The following TBXAS1 variants were observed in gnomAD, a reference collection of about 807,000 sequenced individuals.
TBXAS1 encodes the protein thromboxane A synthase 1.
Under a neutral mutation model 60.7 loss-of-function variants are expected in TBXAS1, and 48 were observed. The ratio of observed to expected loss-of-function variants is 0.79; its 90% CI spans 0.63 to 1.01. The LOEUF is 1.01. Among genes scored for constraint, TBXAS1 ranks in the 50% least tolerant of loss-of-function variants. The pLI is 0.00. For missense variants in TBXAS1, 685 were observed against 686.3 expected (o/e 1.00, Z 0.02); for synonymous variants, 287 against 269.7 (o/e 1.06, Z -0.63).
intron 5 of TBXAS1, among the ~76,000 whole-genome samples, chr7:139,938,767 G>C (rs1249358372): frequency 1.3e-5 from 2 of 152,160 alleles, no homozygotes; most frequent in Non-Finnish European, 2.9e-5. Flanking sequence ...AGAACCTCAT[G>C]TGTGAAAAAG....
intron 10 of TBXAS1, among the ~76,000 whole-genome samples, chr7:140,008,471 G>A (rs1179984001): frequency 7.9e-6 from 1 of 126,130 alleles, no homozygotes; most frequent in East Asian, 2.7e-4. Context: ...TTTTTGAGAT[G>A]GAGTCTTGCT....
At chr7:139,846,844 G>A (rs8192808) in intron 1 of TBXAS1, among the ~76,000 whole-genome samples, 6,986 of 152,252 alleles carry the variant, frequency 0.046, 547 homozygotes, top group East Asian at 0.21. Context: ...CAATGGTGTG[G>A]TGGGGACAGA....
chr7:139,881,277 T>G (rs1802668508), intron 3 of TBXAS1, among the ~76,000 whole-genome samples: 1 of 152,234 alleles, frequency 6.6e-6, no homozygotes, highest in Admixed American at 6.5e-5. Flanking sequence ...TGTTGTTGAC[T>G]TTAATTGATT....
rs1437553280 is a variant in TBXAS1 at position 139,961,924 on chromosome 7, G to A, written c.825G>A (p.Arg275=). 2 of 1,614,102 alleles carry A rather than the reference G, an allele frequency of 1.2e-6. No homozygotes were observed. The highest frequency in any genetic ancestry group is 1.7e-6 in the Non-Finnish European group (2 of 1,180,044). ...TTTCTCCTTTTGTTCCTTAGAGGCG[G>A]AGAGACTTCCTCCAAATGGTCCTGG... is the stretch of plus-strand genomic sequence containing the variant. ...LRDQQAAEER[R]RDFLQMVLDA... Residue 275 remains arginine (R), a synonymous_variant, in exon 9 of 13, where the codon CGG becomes CGA. Coordinates refer to ENST00000448866, the MANE Select transcript of TBXAS1 (RefSeq NM_001061.7).
intron 3 of TBXAS1, among the ~76,000 whole-genome samples, chr7:139,785,881 A>G (rs1054841335): frequency 6.6e-6 from 1 of 150,848 alleles, no homozygotes. Context: ...AGTGTCCTGA[A>G]CTCCACGTCT....
At chr7:139,796,602 A>G (rs1797578750) in intron 4 of TBXAS1, among the ~76,000 whole-genome samples, 1 of 152,234 alleles carries the variant, frequency 6.6e-6, no homozygotes, top group Non-Finnish European at 1.5e-5. Flanking sequence ...TAAAATGTAC[A>G]ACACAAAGAG....
At chr7:139,903,399 T>C (rs949285787) in intron 3 of TBXAS1, among the ~76,000 whole-genome samples, 1 of 152,152 alleles carries the variant, frequency 6.6e-6, no homozygotes, top group Non-Finnish European at 1.5e-5. Flanking sequence ...TGTGCTGCTA[T>C]GAACATGCCA....
At chr7:140,014,349 T>G (rs536817281) in intron 10 of TBXAS1, among the ~76,000 whole-genome samples, 1 of 152,226 alleles carries the variant, frequency 6.6e-6, no homozygotes, top group South Asian at 2.1e-4. Flanking sequence ...CTTCGAGGAT[T>G]CTGTGGACCG....
intron 4 of TBXAS1, among the ~76,000 whole-genome samples, chr7:139,791,997 C>T (rs1797400167): frequency 6.6e-6 from 1 of 152,090 alleles, no homozygotes; most frequent in Admixed American, 6.5e-5. Context: ...CGAAGTGGAG[C>T]AGAGCTTGTG....
intron 3 of TBXAS1, chr7:139,875,886 C>CT: frequency 1.8e-6 from 1 of 547,374 alleles, no homozygotes; most frequent in South Asian, 2.0e-5. Context: ...CCTTTGCAGC[C>CT]TTGCTGGGCT....
chr7:139,929,279 G>A (rs1174947811), intron 4 of TBXAS1, among the ~76,000 whole-genome samples: 1 of 152,220 alleles, frequency 6.6e-6, no homozygotes, highest in Non-Finnish European at 1.5e-5. Context: ...ACAAGGGAGG[G>A]GAAGGGGTTC....
At chr7:139,886,317 G>A (rs1803094862) in intron 3 of TBXAS1, among the ~76,000 whole-genome samples, 3 of 151,572 alleles carry the variant, frequency 2.0e-5, no homozygotes, top group African/African-American at 2.4e-5. Flanking sequence ...TATTTATAAA[G>A]GTCTGACTCT....
chr7:140,007,867 C>T (rs1814213346), intron 10 of TBXAS1, among the ~76,000 whole-genome samples: 2 of 152,196 alleles, frequency 1.3e-5, no homozygotes, highest in Non-Finnish European at 2.9e-5. Flanking sequence ...AATGTACACA[C>T]CAACCAGCCG....
At chr7:139,866,022 C>G (rs1249579391) in intron 1 of TBXAS1, among the ~76,000 whole-genome samples, 2 of 152,146 alleles carry the variant, frequency 1.3e-5, no homozygotes, top group African/African-American at 2.4e-5. Context: ...TGTGTTTTCT[C>G]TCTCTAGTAA....
intron 1 of TBXAS1, among the ~76,000 whole-genome samples, chr7:139,832,454 G>A (rs972285014): frequency 6.6e-6 from 1 of 151,962 alleles, no homozygotes; most frequent in Admixed American, 6.6e-5. Flanking sequence ...CAAGAAGTCT[G>A]GGATTATGTT....
rs4257946 is a variant in TBXAS1 at position 139,806,929 on chromosome 7, G to A, written c.-80+19503G>A. 7.2e-5 allele frequency among the ~76,000 whole-genome samples: 11 copies of A among 152,342 alleles called. No individual in the cohort carries two copies. The East Asian group carries it at 2.1e-3, about 29-fold the overall frequency. The stretch of plus-strand genomic sequence containing the variant: ...CCCAAACTTCCTTTGAACAGTGATT[G>A]TCTGCCGAATGCTTCTACCTAGGGG... On this transcript the variant is annotated intron_variant, in intron 4 of 16. Transcript: ENST00000336425.
chr7:139,826,851 G>A (rs1460877013), upstream of TBXAS1, among the ~76,000 whole-genome samples: 1 of 152,108 alleles, frequency 6.6e-6, no homozygotes, highest in Non-Finnish European at 1.5e-5. Context: ...GATGTCTCCA[G>A]GGCATCTCAG....
chr7:139,789,886 C>G (rs1047315170), intron 4 of TBXAS1, among the ~76,000 whole-genome samples: 3 of 152,202 alleles, frequency 2.0e-5, no homozygotes, highest in Admixed American at 6.5e-5. Context: ...CCTCCTCGGC[C>G]TCCCAAAGTG....
chr7:139,959,033 A>G (rs1810114667), intron 8 of TBXAS1, among the ~76,000 whole-genome samples: 1 of 151,922 alleles, frequency 6.6e-6, no homozygotes, highest in African/African-American at 2.4e-5. Context: ...ACACACACAC[A>G]CACACGCATC....
Sources: allele counts gnomAD v4.1 joint callset (sites outside exome capture counted in the v4.1 genomes callset), GRCh38; gene constraint gnomAD v4.1.1; transcripts MANE v1.5; gene names NCBI Gene and HGNC (gene_info 2026-07-23, HGNC 2026-07-21).